PCDH9: variants seen among roughly 807,000 people sequenced by gnomAD.
PCDH9 encodes the protein protocadherin 9.
Under a neutral mutation model 70.6 loss-of-function variants are expected in PCDH9, and 24 were observed. The observed-to-expected ratio is 0.34, with a 90% CI of 0.25 to 0.48. PCDH9 has a LOEUF of 0.48. Among genes scored for constraint, PCDH9 ranks in the 20% least tolerant of loss-of-function variants. PCDH9 has a pLI of 0.99. For synonymous variants in PCDH9, 562 were observed against 558.5 expected, an observed-to-expected ratio of 1.01 and a Z score of -0.09; for missense variants, 1,281 against 1,503.6, an observed-to-expected ratio of 0.85 and a Z score of 2.45.
intron 4 of PCDH9, among the ~76,000 whole-genome samples, chr13:66,314,009 A>G (rs1955608103): frequency 6.6e-6 from 1 of 152,206 alleles, no homozygotes; most frequent in South Asian, 2.1e-4. Context: ...GGACTGTCTT[A>G]CCATCACTTT....
chr13:66,786,149 T>G lies in PCDH9; in HGVS notation c.3138+117355A>C, dbSNP rs376949024. ...TAATTAGCACCCATGGCAAATTGGT[T>G]GAATGGGCAATATCGATTTCTCTCA... On this transcript the variant is annotated intron_variant, in intron 3 of 4. Transcript: ENST00000377865. Among the ~76,000 whole-genome samples the G allele has an allele frequency of 2.4e-4, 37 of 152,308 alleles. No homozygotes were observed. In the East Asian group the frequency reaches 6.9e-3, roughly 29 times the overall value.
intron 2 of PCDH9, among the ~76,000 whole-genome samples, chr13:67,103,902 T>A (rs1212223840): frequency 6.6e-6 from 1 of 152,150 alleles, no homozygotes; most frequent in Non-Finnish European, 1.5e-5. Flanking sequence ...TTGAATCTAG[T>A]TGCAAAGAGG....
Position 66,839,183 on chromosome 13 carries a change from C to T in PCDH9, c.3138+64321G>A, listed in dbSNP as rs544378258. On this transcript the variant is annotated intron_variant, in intron 3 of 4. Transcript: ENST00000377865. ...GATATATATATATAATATTATGTAA[C>T]TTATTAATGTGCAACAATCACTTTG... Among the ~76,000 whole-genome samples, 11 of 151,794 alleles carry T rather than the reference C, an allele frequency of 7.2e-5. No individual in the cohort carries two copies. In the South Asian group the frequency reaches 2.1e-3, roughly 29 times the overall value.
intron 2 of PCDH9, among the ~76,000 whole-genome samples, chr13:67,050,798 A>T (rs1488972032): frequency 6.6e-6 from 1 of 152,220 alleles, no homozygotes; most frequent in African/African-American, 2.4e-5. Flanking sequence ...TGTATGTCTC[A>T]CAGCAGATCC....
intron 3 of PCDH9, among the ~76,000 whole-genome samples, chr13:66,893,607 G>GT (rs1451895794): frequency 6.6e-6 from 1 of 152,028 alleles, no homozygotes; most frequent in Non-Finnish European, 1.5e-5. Flanking sequence ...TTTTTTGTCA[G>GT]TGGTTTTCAA....
intron 4 of PCDH9, among the ~76,000 whole-genome samples, chr13:66,359,412 C>T (rs549670926): frequency 2.6e-5 from 4 of 151,724 alleles, no homozygotes; most frequent in East Asian, 1.9e-4. Flanking sequence ...TGGTGGGTGC[C>T]GGTTGTTTTT....
chr13:66,500,981 T>C (rs1959174105), intron 4 of PCDH9, among the ~76,000 whole-genome samples: 1 of 152,110 alleles, frequency 6.6e-6, no homozygotes, highest in African/African-American at 2.4e-5. Context: ...TGAAATACAA[T>C]GATTCACACA....
intron 4 of PCDH9, among the ~76,000 whole-genome samples, chr13:66,328,728 G>A (rs1245486638): frequency 2.6e-5 from 4 of 152,140 alleles, no homozygotes; most frequent in East Asian, 1.9e-4. Flanking sequence ...GCAGCAGCAC[G>A]AGTAAGCACT....
At chr13:66,795,559 T>A (rs1225786350) in intron 3 of PCDH9, among the ~76,000 whole-genome samples, 1 of 152,180 alleles carries the variant, frequency 6.6e-6, no homozygotes, top group African/African-American at 2.4e-5. Context: ...ATTGTTGATA[T>A]GATGCTTCCT....
intron 3 of PCDH9, among the ~76,000 whole-genome samples, chr13:66,865,216 T>G (rs2081552814): frequency 6.6e-6 from 1 of 152,168 alleles, no homozygotes; most frequent in Non-Finnish European, 1.5e-5. Context: ...GACCCTTAAG[T>G]ATATTACAGG....
At chr13:66,952,451 T>C (rs2139705004) in intron 2 of PCDH9, among the ~76,000 whole-genome samples, 1 of 152,316 alleles carries the variant, frequency 6.6e-6, no homozygotes, top group South Asian at 2.1e-4. Context: ...AAATGAGTGT[T>C]TCTTATTTTT....
At chr13:66,437,122 G>C (rs1957881155) in intron 4 of PCDH9, among the ~76,000 whole-genome samples, 1 of 151,222 alleles carries the variant, frequency 6.6e-6, no homozygotes, top group Non-Finnish European at 1.5e-5. Flanking sequence ...TTAAAAACAA[G>C]GAGAGAAAAC....
chr13:66,508,135 C>T (rs1443912691), intron 4 of PCDH9, among the ~76,000 whole-genome samples: 1 of 152,136 alleles, frequency 6.6e-6, no homozygotes, highest in African/African-American at 2.4e-5. Flanking sequence ...TAAAACAGTT[C>T]CTGAAACATG....
At chr13:66,837,870 C>A (rs536238963) in intron 3 of PCDH9, among the ~76,000 whole-genome samples, 1 of 152,258 alleles carries the variant, frequency 6.6e-6, no homozygotes, top group Admixed American at 6.5e-5. Context: ...CAAACACACA[C>A]CCAGGGGAAT....
chr13:66,563,635 C>T (rs2076609520), intron 4 of PCDH9, among the ~76,000 whole-genome samples: 1 of 152,140 alleles, frequency 6.6e-6, no homozygotes, highest in African/African-American at 2.4e-5. Flanking sequence ...TATTGTGCCC[C>T]ACTCTCAGTA....
At chr13:66,990,158 A>G (rs1233993307) in intron 2 of PCDH9, among the ~76,000 whole-genome samples, 1 of 151,872 alleles carries the variant, frequency 6.6e-6, no homozygotes, top group African/African-American at 2.4e-5. Flanking sequence ...GAATGACCCC[A>G]TTAATCTAAA....
At chr13:66,654,961 A>G (rs148042959) in intron 3 of PCDH9, among the ~76,000 whole-genome samples, 86 of 152,144 alleles carry the variant, frequency 5.7e-4, no homozygotes, top group African/African-American at 2.1e-3. Flanking sequence ...CCTAAGCTCA[A>G]GCAATACACT....
At chr13:66,330,019 T>G (rs558333818) in intron 4 of PCDH9, among the ~76,000 whole-genome samples, 1 of 152,226 alleles carries the variant, frequency 6.6e-6, no homozygotes, top group Non-Finnish European at 1.5e-5. Flanking sequence ...ATCTTTTCAG[T>G]GCTAATTAAA....
intron 3 of PCDH9, among the ~76,000 whole-genome samples, chr13:66,874,288 C>T (rs191650071): frequency 1.3e-5 from 2 of 152,264 alleles, no homozygotes; most frequent in Admixed American, 1.3e-4. Flanking sequence ...TTCAGCTTTA[C>T]TGAAAAGCTA....
Sources: gnomAD v4.1 joint callset for allele counts (sites outside exome capture counted in the v4.1 genomes callset) on GRCh38, gnomAD v4.1.1 for gene constraint, MANE v1.5 for transcripts, NCBI Gene and HGNC (gene_info 2026-07-23, HGNC 2026-07-21) for gene names.